GRM8: variants seen among roughly 807,000 people sequenced by gnomAD.
GRM8 encodes glutamate metabotropic receptor 8.
In GRM8, 47 loss-of-function variants were observed where a neutral mutation model predicts 87.2. The ratio of observed to expected loss-of-function variants is 0.54; its 90% confidence interval spans 0.43 to 0.69. GRM8 has a LOEUF of 0.69. GRM8 is among the 30% of genes least tolerant of loss of function. The probability of loss-of-function intolerance (pLI) is 0.00; values close to 1 mark genes in which losing one functional copy is unlikely to be tolerated. For missense variants in GRM8, 1,019 were observed against 1,139.2 expected, an observed-to-expected ratio of 0.89 and a Z score of 1.52; for synonymous variants, 396 against 404.5, an observed-to-expected ratio of 0.98 and a Z score of 0.25.
At chr7:126,601,428 G>C (rs1369119968) in intron 8 of GRM8, among the ~76,000 whole-genome samples, 3 of 151,996 alleles carry the variant, frequency 2.0e-5, no homozygotes, top group Admixed American at 6.6e-5. Context: ...ATGATTTATA[G>C]TCATTTGGGT....
Position 127,232,182 on chromosome 7 carries a change from T to TG in GRM8, c.510+10512_510+10513insC, listed in dbSNP as rs1491169955. Among the ~76,000 whole-genome samples, 681 of 112,602 alleles carry TG rather than the reference T, an allele frequency of 6.0e-3. 6 individuals are homozygous for TG. The highest frequency in any genetic ancestry group is 0.022 in the African/African-American group (644 of 28,982). The allele number at this position is 112,602 out of a possible 152,430, so 73.9% of individuals were successfully genotyped here. A position where few individuals can be genotyped will look rare whatever the true frequency, so the allele number is the denominator to read the frequency against. On this transcript the variant is annotated intron_variant, in intron 2 of 10. Coordinates refer to ENST00000339582, the MANE Select transcript of GRM8 (RefSeq NM_000845.3). ...GACCTGCCATCAGTTCTGTTTCTTCTTTGTGTGTGTGTGTGTGTGTGTGTG... is the reference window on the plus strand; with the variant it reads ...GACCTGCCATCAGTTCTGTTTCTTCTGTTGTGTGTGTGTGTGTGTGTGTGTG...
At chr7:126,803,099 G>C (rs1822912296) in intron 6 of GRM8, among the ~76,000 whole-genome samples, 1 of 152,152 alleles carries the variant, frequency 6.6e-6, no homozygotes, top group South Asian at 2.1e-4. Flanking sequence ...AATCATCTTT[G>C]AATAAATTAG....
intron 3 of GRM8, among the ~76,000 whole-genome samples, chr7:126,919,027 C>T (rs1443242679): frequency 2.0e-5 from 3 of 152,054 alleles, no homozygotes; most frequent in African/African-American, 7.2e-5. Flanking sequence ...TGCGTTATAG[C>T]TTAACCATAT....
chr7:126,640,326 G>A (rs143008871), intron 7 of GRM8, among the ~76,000 whole-genome samples: 87 of 152,204 alleles, frequency 5.7e-4, no homozygotes, highest in African/African-American at 2.1e-3. Flanking sequence ...TGGGAGAGAG[G>A]GAGGTGGAGT....
intron 9 of GRM8, among the ~76,000 whole-genome samples, chr7:126,449,585 T>C (rs1802396241): frequency 6.6e-6 from 1 of 151,796 alleles, no homozygotes; most frequent in African/African-American, 2.4e-5. Flanking sequence ...GACTATACGA[T>C]GTTGAGGAAA....
chr7:126,980,595 C>T (rs1397596643), intron 3 of GRM8, among the ~76,000 whole-genome samples: 2 of 152,230 alleles, frequency 1.3e-5, no homozygotes, highest in African/African-American at 4.8e-5. Context: ...ACTTTTCAAT[C>T]ATCAGTTTTA....
intron 3 of GRM8, among the ~76,000 whole-genome samples, chr7:127,011,557 T>C (rs548490586): frequency 2.0e-5 from 3 of 152,214 alleles, no homozygotes; most frequent in Admixed American, 2.0e-4. Flanking sequence ...TGAAGACTTC[T>C]ACAAAAAAAG....
intron 3 of GRM8, among the ~76,000 whole-genome samples, chr7:126,991,575 G>A (rs558816115): frequency 2.6e-5 from 4 of 151,814 alleles, no homozygotes; most frequent in Admixed American, 6.6e-5. Context: ...GATTTGAGTC[G>A]ACTTACAACA....
chr7:126,631,492 A>C (rs35445131), intron 7 of GRM8, among the ~76,000 whole-genome samples: 1 of 152,208 alleles, frequency 6.6e-6, no homozygotes, highest in African/African-American at 2.4e-5. Flanking sequence ...TATTCCCATT[A>C]AACTACCAAT....
At chr7:126,928,464 G>A (rs1462757503) in intron 3 of GRM8, among the ~76,000 whole-genome samples, 2 of 151,978 alleles carry the variant, frequency 1.3e-5, no homozygotes, top group East Asian at 3.9e-4. Context: ...TTTAGCTCAG[G>A]GGTTCAAGAC....
chr7:127,008,669 T>G (rs1266979940), intron 3 of GRM8, among the ~76,000 whole-genome samples: 2 of 152,116 alleles, frequency 1.3e-5, no homozygotes, highest in Non-Finnish European at 2.9e-5. Flanking sequence ...AAATCTGTTA[T>G]TTTTAAGTCA....
intron 7 of GRM8, among the ~76,000 whole-genome samples, chr7:126,700,445 T>C (rs2151392610): frequency 6.6e-6 from 1 of 152,330 alleles, no homozygotes; most frequent in African/African-American, 2.4e-5. Context: ...TTAATCTCAC[T>C]TTAAAATATT....
intron 3 of GRM8, among the ~76,000 whole-genome samples, chr7:126,963,310 T>C (rs1020261363): frequency 2.0e-5 from 3 of 152,234 alleles, no homozygotes; most frequent in African/African-American, 4.8e-5. Context: ...ACATTATTTC[T>C]TTTCTTAGCC....
intron 9 of GRM8, among the ~76,000 whole-genome samples, chr7:126,470,403 A>G (rs1287300200): frequency 7.6e-6 from 1 of 131,528 alleles, no homozygotes; most frequent in Non-Finnish European, 1.5e-5. Context: ...ATGTGTTCTC[A>G]TTGTTCAATT....
intron 2 of GRM8, among the ~76,000 whole-genome samples, chr7:127,171,007 T>TA (rs951761604): frequency 2.0e-5 from 3 of 152,106 alleles, no homozygotes; most frequent in South Asian, 2.1e-4. Context: ...AAAAATGAAT[T>TA]AAAAAAACCA....
At chr7:126,474,412 G>T (rs973773421) in intron 9 of GRM8, among the ~76,000 whole-genome samples, 1 of 152,120 alleles carries the variant, frequency 6.6e-6, no homozygotes, top group African/African-American at 2.4e-5. Context: ...GGGACTACAA[G>T]CATAGGCCAC....
chr7:127,220,084 A>T (rs1184595861), intron 2 of GRM8, among the ~76,000 whole-genome samples: 1 of 152,200 alleles, frequency 6.6e-6, no homozygotes, highest in Non-Finnish European at 1.5e-5. Flanking sequence ...TGTGTTAGAG[A>T]ACAATGAAAT....
chr7:126,530,768 T>C (rs1034618482), intron 9 of GRM8, among the ~76,000 whole-genome samples: 11 of 152,248 alleles, frequency 7.2e-5, no homozygotes, highest in Non-Finnish European at 1.3e-4. Context: ...TTCATGTCAA[T>C]AATTTAAGCA....
At chr7:126,940,729 G>A (rs1055304710) in intron 3 of GRM8, among the ~76,000 whole-genome samples, 2 of 152,182 alleles carry the variant, frequency 1.3e-5, no homozygotes, top group African/African-American at 2.4e-5. Flanking sequence ...ATCCCTTGCT[G>A]TCTTCTATGA....
Sources: gnomAD v4.1 joint callset for allele counts (sites outside exome capture counted in the v4.1 genomes callset) on GRCh38, gnomAD v4.1.1 for gene constraint, MANE v1.5 for transcripts, NCBI Gene and HGNC (gene_info 2026-07-23, HGNC 2026-07-21) for gene names.